COMMD1: variants seen among roughly 807,000 people sequenced by gnomAD.
The protein encoded by COMMD1 is copper metabolism domain containing 1, also known as COMM domain-containing protein 1.
COMMD1 carries 10 observed loss-of-function variants against 17.2 expected under a neutral mutation model. That is an observed-to-expected ratio of 0.58 (90% CI 0.36 to 0.99). COMMD1 has a LOEUF of 0.99. Among genes scored for constraint, COMMD1 ranks in the 50% least tolerant of loss-of-function variants. The pLI is 0.01. For missense variants in COMMD1, 270 were observed against 231.8 expected (o/e 1.17, Z -1.07); for synonymous variants, 97 against 91.6 (o/e 1.06, Z -0.34).
chr2:62,060,915 C>G (rs185639075), intron 2 of COMMD1, among the ~76,000 whole-genome samples: 1 of 152,082 alleles, frequency 6.6e-6, no homozygotes, highest in Non-Finnish European at 1.5e-5. Flanking sequence ...CTTTTTTTCT[C>G]TCTTTTCAAA....
intron 1 of COMMD1, chr2:61,915,694 C>T (rs1250831669): frequency 4.4e-6 from 2 of 453,466 alleles, no homozygotes; most frequent in African/African-American, 4.0e-5. Context: ...ACAGAATCTC[C>T]CCATATCGTC....
chr2:62,029,359 T>G (rs10165251), intron 2 of COMMD1, among the ~76,000 whole-genome samples: 19,807 of 151,932 alleles, frequency 0.13, 3,195 homozygotes, highest in African/African-American at 0.38. Context: ...ATATATGGAG[T>G]CTTTTTTTAC....
At chr2:61,917,628 C>T (rs1179993275) in intron 1 of COMMD1, among the ~76,000 whole-genome samples, 2 of 151,952 alleles carry the variant, frequency 1.3e-5, no homozygotes, top group African/African-American at 2.4e-5. Context: ...CCCTGGTTCA[C>T]GCTATTCTTC....
At chr2:61,972,176 G>C (rs1671667705) in intron 1 of COMMD1, among the ~76,000 whole-genome samples, 1 of 152,072 alleles carries the variant, frequency 6.6e-6, no homozygotes, top group African/African-American at 2.4e-5. Context: ...AATAACTGTA[G>C]ACATAGTTTA....
chr2:62,085,947 C>T (rs1281411636), intron 2 of COMMD1, among the ~76,000 whole-genome samples: 1 of 152,036 alleles, frequency 6.6e-6, no homozygotes, highest in Non-Finnish European at 1.5e-5. Flanking sequence ...CACTGCACTC[C>T]AGCCTGGGCG....
chr2:62,034,944 A>G (rs1670001097), intron 2 of COMMD1, among the ~76,000 whole-genome samples: 1 of 152,244 alleles, frequency 6.6e-6, no homozygotes, highest in Non-Finnish European at 1.5e-5. Context: ...TGCTCTCATG[A>G]CAGCCAAAAA....
intron 2 of COMMD1, among the ~76,000 whole-genome samples, chr2:62,085,438 C>G: frequency 6.6e-6 from 1 of 151,940 alleles, no homozygotes; most frequent in Non-Finnish European, 1.5e-5. Context: ...AGAATGGTCT[C>G]AATCTCCTGA....
chr2:62,058,328 A>G (rs1243419119), intron 2 of COMMD1, among the ~76,000 whole-genome samples: 1 of 152,190 alleles, frequency 6.6e-6, no homozygotes, highest in Admixed American at 6.6e-5. Context: ...TTAGTTCACA[A>G]TCATAGTTAG....
At chr2:61,990,774 G>A (rs1406515732) in intron 1 of COMMD1, among the ~76,000 whole-genome samples, 1 of 151,636 alleles carries the variant, frequency 6.6e-6, no homozygotes, top group Admixed American at 6.6e-5. Flanking sequence ...CCATGAATCA[G>A]TTATCTCCTG....
At chr2:61,894,432 C>T (rs1292253115) in intron 1 of COMMD1, among the ~76,000 whole-genome samples, 1 of 151,386 alleles carries the variant, frequency 6.6e-6, no homozygotes, top group East Asian at 1.9e-4. Context: ...ACTTTATACA[C>T]ATCCTGCTGG....
intron 1 of COMMD1, among the ~76,000 whole-genome samples, chr2:61,910,507 A>T (rs187936628): frequency 6.6e-6 from 1 of 152,152 alleles, no homozygotes; most frequent in Non-Finnish European, 1.5e-5. Context: ...TTGGCGTCCC[A>T]TAGTGTTGGG....
intron 2 of COMMD1, among the ~76,000 whole-genome samples, chr2:62,008,791 T>TTTACTTAC (rs71410913): frequency 2.0e-5 from 3 of 151,370 alleles, no homozygotes. Flanking sequence ...TGTTTATTTA[T>TTTACTTAC]TTACTTACTT....
At chr2:62,134,213 G>A (rs1673123575) in intron 2 of COMMD1, among the ~76,000 whole-genome samples, 1 of 152,192 alleles carries the variant, frequency 6.6e-6, no homozygotes, top group Admixed American at 6.5e-5. Context: ...GTAACCTATA[G>A]GCCAAAGTGG....
chr2:62,026,319 A>G lies in COMMD1; in HGVS notation c.462+25337A>G, dbSNP rs566562834. Among the ~76,000 whole-genome samples the G allele has an allele frequency of 5.3e-5, 8 of 152,290 alleles. No individual in the cohort carries two copies. The East Asian group carries it at 1.4e-3, about 26-fold the overall frequency. ...GGGAGGCTTCAGGGAGTTTTTACTC[A>G]TGGTGGAAGGCAGAGGAAGAGCAGG... On this transcript the variant is annotated intron_variant, in intron 2 of 2. Coordinates refer to ENST00000311832, the MANE Select transcript of COMMD1 (RefSeq NM_152516.4).
At chr2:62,114,089 T>A (rs962197420) in intron 2 of COMMD1, among the ~76,000 whole-genome samples, 2 of 152,188 alleles carry the variant, frequency 1.3e-5, no homozygotes, top group African/African-American at 2.4e-5. Context: ...AGGTAGCATT[T>A]TACTTTCATT....
intron 2 of COMMD1, among the ~76,000 whole-genome samples, chr2:62,002,227 A>G (rs1668965642): frequency 1.3e-5 from 2 of 151,906 alleles, no homozygotes; most frequent in Admixed American, 1.3e-4. Flanking sequence ...ACAGTGGCTC[A>G]CACCTGTAAT....
intron 2 of COMMD1, among the ~76,000 whole-genome samples, chr2:62,042,503 G>T (rs564590331): frequency 6.6e-6 from 1 of 152,320 alleles, no homozygotes; most frequent in South Asian, 2.1e-4. Context: ...ATCAAGCCCA[G>T]CAGGTGCTGG....
chr2:62,050,720 C>A (rs1180797413), intron 2 of COMMD1, among the ~76,000 whole-genome samples: 2 of 152,190 alleles, frequency 1.3e-5, no homozygotes, highest in East Asian at 3.8e-4. Flanking sequence ...ATATATTTCT[C>A]ATCACTGGGA....
At chr2:62,004,519 G>A (rs373246993) in intron 2 of COMMD1, among the ~76,000 whole-genome samples, 1 of 152,086 alleles carries the variant, frequency 6.6e-6, no homozygotes, top group Non-Finnish European at 1.5e-5. Context: ...GGCCAGGCTG[G>A]TCTTGAACTC....
Sources: allele counts gnomAD v4.1 joint callset (sites outside exome capture counted in the v4.1 genomes callset), GRCh38; gene constraint gnomAD v4.1.1; transcripts MANE v1.5; gene names NCBI Gene and HGNC (gene_info 2026-07-23, HGNC 2026-07-21).